The following CARM1 variants were observed in gnomAD, a reference collection of about 807,000 sequenced individuals.
The protein encoded by CARM1 is histone-arginine methyltransferase CARM1.
CARM1 carries 14 observed loss-of-function variants against 72.7 expected under a neutral mutation model. That is an observed-to-expected ratio of 0.19 (90% CI 0.13 to 0.30). The LOEUF (loss-of-function observed/expected upper bound fraction) is 0.30, where lower values mean the gene tolerates loss of function less well. Among genes scored for constraint, CARM1 ranks in the 10% least tolerant of loss-of-function variants. The pLI is 1.00. For synonymous variants in CARM1, 333 were observed against 345.5 expected (o/e 0.96, Z 0.40); for missense variants, 432 against 833.7 (o/e 0.52, Z 5.93).
chr19:10,906,012 T>C (rs1359293246), intron 2 of CARM1, among the ~76,000 whole-genome samples: 1 of 146,250 alleles, frequency 6.8e-6, no homozygotes, highest in African/African-American at 2.5e-5. Flanking sequence ...TCAGTGGTGC[T>C]ATCTTAGCTC....
At chr19:10,880,743 G>GTTA (rs1726033755) in intron 1 of CARM1, among the ~76,000 whole-genome samples, 1 of 152,164 alleles carries the variant, frequency 6.6e-6, no homozygotes, top group Admixed American at 6.5e-5. Context: ...TTTGCAAAGG[G>GTTA]GTAAAAGGAC....
At chr19:10,921,540 T>TTC (rs2074250062) in intron 15 of CARM1, 75 bp from the exon 16 acceptor site, 35 of 1,566,882 alleles carry the variant, frequency 2.2e-5, no homozygotes, top group Middle Eastern at 3.4e-4. Flanking sequence ...TGCCTGCCCT[T>TTC]TCTCTCTCTC....
chr19:10,904,251 A>G (rs1194749213), intron 1 of CARM1, among the ~76,000 whole-genome samples: 2 of 152,204 alleles, frequency 1.3e-5, no homozygotes, highest in East Asian at 3.9e-4. Context: ...CAAGAATACT[A>G]CAGATGATGC....
At chr19:10,890,795 A>ATATATATTT (rs1217665879) in intron 1 of CARM1, among the ~76,000 whole-genome samples, 5 of 47,460 alleles carry the variant, frequency 1.1e-4, no homozygotes, top group Admixed American at 3.5e-4. Context: ...ATATATATAT[A>ATATATATTT]TTTTTTTTTT....
intron 1 of CARM1, among the ~76,000 whole-genome samples, chr19:10,876,156 G>A (rs1382654982): frequency 6.6e-6 from 1 of 152,076 alleles, no homozygotes; most frequent in Non-Finnish European, 1.5e-5. Context: ...TGGGATTACA[G>A]GTGTGAGCCA....
Position 10,904,993 on chromosome 19 carries a change from C to T in CARM1, c.263C>T (p.Thr88Ile). 1.2e-6 allele frequency: 2 copies of T among 1,614,224 alleles called. No individual in the cohort carries two copies. The highest frequency in any genetic ancestry group is 1.7e-6 in the Non-Finnish European group (2 of 1,180,018). Residue 88 changes from threonine (T) to isoleucine (I), a missense_variant, in exon 2 of 16, where the codon ACA becomes ATA. By Grantham distance (89) the Thr-to-Ile change is moderately conservative. This residue lies in a region of CARM1 where 138 missense variants were observed against 192.3 expected (regional missense o/e 0.72). Coordinates refer to ENST00000327064, the MANE Select transcript of CARM1 (RefSeq NM_199141.2). ...TTTAAGTGCTCAGTGTCCCGAGAGA[C>T]AGAGTGCAGCCGTGTGGGCAAGCAG... ...CVFKCSVSRE[T>I]ECSRVGKQSF...
At position 10,920,799 on chromosome 19, in the gene CARM1, C is replaced by T. The variant is rs1390301037; in HGVS notation, c.1425-35C>T. On this transcript the variant is annotated intron_variant, in intron 12 of 15. Coordinates refer to ENST00000327064, the MANE Select transcript of CARM1 (RefSeq NM_199141.2). This position sits in a 1 kb window ranked among gnomAD's most constrained non-coding sequence, Gnocchi z 5.3. ...GGGGGGCGCCCCGGCCCTGCAACCC[C>T]CTTGCCCCTGCCCATGGCTCTGTCT... 2 of 1,613,682 alleles carry T rather than the reference C, an allele frequency of 1.2e-6. No individual in the cohort carries two copies. The highest frequency in any genetic ancestry group is 2.7e-5 in the African/African-American group (2 of 74,934).
intron 6 of CARM1, among the ~76,000 whole-genome samples, chr19:10,914,992 G>A (rs543279001): frequency 5.6e-4 from 86 of 152,322 alleles, no homozygotes; most frequent in African/African-American, 1.9e-3. Flanking sequence ...CTGTGTGTGC[G>A]TGTGGCAGGG....
chr19:10,912,291 T>C lies in CARM1; in HGVS notation c.666T>C (p.Ala222=). ...AVEASTMAQH[A]EVLVKSNNLT... is the part of the protein sequence containing the mutation. ...AGGCCAGCACCATGGCCCAGCACGCTGAGGTCAGTGGCCCGCTGGTGCCCA... is the reference window on the plus strand; with the variant it reads ...AGGCCAGCACCATGGCCCAGCACGCCGAGGTCAGTGGCCCGCTGGTGCCCA... Residue 222 remains alanine, a synonymous_variant, in exon 5 of 16, where the codon GCT becomes GCC. Coordinates refer to ENST00000327064, the MANE Select transcript of CARM1 (RefSeq NM_199141.2). This position sits in a 1 kb window ranked among gnomAD's most constrained non-coding sequence, Gnocchi z 4.5. 1 of 1,608,678 alleles carries C rather than the reference T, an allele frequency of 6.2e-7. No individual in the cohort carries two copies. The highest frequency in any genetic ancestry group is 8.5e-7 in the Non-Finnish European group (1 of 1,175,962).
chr19:10,886,396 A>G (rs1048723671), intron 1 of CARM1, among the ~76,000 whole-genome samples: 1 of 151,720 alleles, frequency 6.6e-6, no homozygotes, highest in Non-Finnish European at 1.5e-5. Context: ...GGTCTCAACC[A>G]TGTTGCCTAG....
intron 5 of CARM1, 115 bp from the exon 6 acceptor site, chr19:10,913,762 C>A: frequency 9.1e-7 from 1 of 1,100,596 alleles, no homozygotes; most frequent in Non-Finnish European, 1.3e-6. Context: ...GCGAAGCAGG[C>A]AGAGGGGCAC....
chr19:10,879,315 A>G (rs957039298), intron 1 of CARM1, among the ~76,000 whole-genome samples: 2 of 152,252 alleles, frequency 1.3e-5, no homozygotes, highest in African/African-American at 2.4e-5. Flanking sequence ...ATGTAGTCAC[A>G]TGATCACTGC....
chr19:10,874,000 C>T (rs1466557106), intron 1 of CARM1, among the ~76,000 whole-genome samples: 1 of 152,058 alleles, frequency 6.6e-6, no homozygotes, highest in African/African-American at 2.4e-5. Context: ...CCATCTTATT[C>T]CTGGAGTAAC....
intron 3 of CARM1, 26 bp downstream of exon 3, chr19:10,908,171 G>A (rs773709605): frequency 6.6e-7 from 1 of 1,508,746 alleles, no homozygotes; most frequent in Non-Finnish European, 9.2e-7. Context: ...CCTCAGCCAG[G>A]CCGCCTCCCC....
chr19:10,887,672 G>A (rs1198040485), intron 1 of CARM1, among the ~76,000 whole-genome samples: 1 of 152,162 alleles, frequency 6.6e-6, no homozygotes, highest in Non-Finnish European at 1.5e-5. Flanking sequence ...CAAACTCGTG[G>A]TCCCAAGCCA....
chr19:10,902,586 G>A (rs1599700173), intron 1 of CARM1, among the ~76,000 whole-genome samples: 1 of 151,052 alleles, frequency 6.6e-6, no homozygotes, highest in East Asian at 1.9e-4. Flanking sequence ...TGGGATTACA[G>A]GCGTGAGCCA....
intron 1 of CARM1, among the ~76,000 whole-genome samples, chr19:10,872,144 A>G (rs1173008084): frequency 6.7e-6 from 1 of 149,944 alleles, no homozygotes; most frequent in Admixed American, 6.6e-5. Flanking sequence ...GCCCAGAGTG[A>G]GCAAGGGAGC....
chr19:10,915,190 C>T lies in CARM1; in HGVS notation c.847+1136C>T, dbSNP rs1348320168. Among the ~76,000 whole-genome samples, 1 of 152,108 alleles carries T rather than the reference C, an allele frequency of 6.6e-6. No homozygotes were observed. The highest frequency in any genetic ancestry group is 1.5e-5 in the Non-Finnish European group (1 of 68,018). On this transcript the variant is annotated intron_variant, in intron 6 of 15. Transcript: ENST00000327064. The surrounding 1 kb of genome is among the most constrained non-coding windows in gnomAD (Gnocchi z 4.6). ...GAGGTGGCGTCCCACAGCTGTGTCT[C>T]ATGTCTTGGGTGTGAGTATGGGAAG...
intron 1 of CARM1, among the ~76,000 whole-genome samples, chr19:10,893,883 C>T (rs1253235231): frequency 6.6e-6 from 1 of 152,218 alleles, no homozygotes; most frequent in Non-Finnish European, 1.5e-5. Flanking sequence ...ACAGTGGGTT[C>T]GGCCCTGAAC....
Sources: gnomAD v4.1 joint callset for allele counts (sites outside exome capture counted in the v4.1 genomes callset) on GRCh38, gnomAD v4.1.1 for gene constraint, gnomAD v4.1.1 regional missense constraint, Gnocchi (gnomAD v3.1) non-coding constraint, MANE v1.5 for transcripts, NCBI Gene and HGNC (gene_info 2026-07-23, HGNC 2026-07-21) for gene names.